TNRC18: variants seen among roughly 807,000 people sequenced by gnomAD.
The protein encoded by TNRC18 is trinucleotide repeat-containing gene 18 protein.
In TNRC18, 69 loss-of-function variants were observed where a neutral mutation model predicts 226.7. The ratio of observed to expected loss-of-function variants is 0.30; its 90% CI spans 0.25 to 0.37. TNRC18 has a LOEUF of 0.37. TNRC18 is among the 10% of genes least tolerant of loss of function. The pLI, the probability that TNRC18 is intolerant of heterozygous loss-of-function variation, is 1.00. For synonymous variants in TNRC18, 2,449 were observed against 1,927.6 expected (o/e 1.27, Z -7.09); for missense variants, 4,754 against 4,256.6 (o/e 1.12, Z -3.25).
intron 1 of TNRC18, among the ~76,000 whole-genome samples, chr7:5,422,065 G>A (rs937256304): frequency 6.6e-6 from 1 of 152,108 alleles, no homozygotes; most frequent in Non-Finnish European, 1.5e-5. Flanking sequence ...GTCCAAAGCG[G>A]GTTTATTATT....
chr7:5,390,603 C>T lies in TNRC18; in HGVS notation c.369G>A (p.Leu123=). The T allele has an allele frequency of 1.2e-6, 2 of 1,603,404 alleles. No homozygotes were observed. Among genetic ancestry groups the T allele is most frequent in the Non-Finnish European group, 1.7e-6 (2 of 1,174,892 alleles). ...HEGFSHLPSG[L]YPSYLHLNHL... ...GGTTCAGGTGGAGGTAGGATGGGTA[C>T]AGCCCACTGGGCAGGTGGGAGAAGC... The change falls in exon 4 of 30, where the codon CTG becomes CTA. Residue 123 remains leucine, a synonymous_variant. Coordinates refer to ENST00000430969, the MANE Select transcript of TNRC18 (RefSeq NM_001080495.3).
intron 19 of TNRC18, among the ~76,000 whole-genome samples, chr7:5,327,399 G>GTGTGTGTC (rs1554273842): frequency 5.1e-5 from 7 of 138,092 alleles, no homozygotes; most frequent in Admixed American, 7.8e-5. Flanking sequence ...GTGTGTGTGT[G>GTGTGTGTC]TGTGTGTGTG....
intron 5 of TNRC18, among the ~76,000 whole-genome samples, chr7:5,383,931 T>G (rs1019857237): frequency 6.8e-6 from 1 of 147,354 alleles, no homozygotes; most frequent in African/African-American, 2.5e-5. Context: ...TAGCTGGGAC[T>G]ACAGGCACAC....
Position 5,377,783 on chromosome 7 carries a change from G to A in TNRC18, c.2255+139C>T, listed in dbSNP as rs1392792818. On this transcript the variant is annotated intron_variant, in intron 6 of 29. Transcript: ENST00000430969. The surrounding 1 kb of genome is among the most constrained non-coding windows in gnomAD (Gnocchi z 5.8). ...CTGGGCAGGGCTGGCCCGATGCTGA[G>A]GACCAGAGTGACTCCCGCTCTCAGT... The A allele has an allele frequency of 4.9e-6, 5 of 1,011,242 alleles. No individual in the cohort carries two copies. The highest frequency in any genetic ancestry group is 4.8e-5 in the African/African-American group (3 of 62,492). The allele number at this position is 1,011,242 out of a possible 1,614,324, so 62.6% of individuals were successfully genotyped here. A position where few individuals can be genotyped will look rare whatever the true frequency, so the allele number is the denominator to read the frequency against.
intron 2 of TNRC18, among the ~76,000 whole-genome samples, chr7:5,399,662 C>T (rs1041436281): frequency 2.0e-5 from 3 of 151,978 alleles, no homozygotes; most frequent in East Asian, 1.9e-4. Context: ...GCCAAGATCG[C>T]GCCACTGCAC....
At chr7:5,390,754 C>A in intron 3 of TNRC18, 126 bp from the exon 4 acceptor site, 1 of 1,110,592 alleles carries the variant, frequency 9.0e-7, no homozygotes, top group South Asian at 1.9e-5. Context: ...TGAGGTTTAA[C>A]AGCAGCTCCT....
In TNRC18 at chr7:5,308,265, C is replaced by T. The variant is rs367862313; in HGVS notation, c.8748G>A (p.Thr2916=). The T allele has an allele frequency of 1.4e-5, 23 of 1,612,950 alleles. No homozygotes were observed. The highest frequency in any genetic ancestry group is 6.7e-5 in the African/African-American group (5 of 74,904). ...CCACCACCAGGCACTTGTGCGACAC[C>T]GTCTGCACGTCATTTTCGTCCACAT... ...SSHVDENDVQ[T]VSHKCLVVGL... The change falls in exon 30 of 30, where the codon ACG becomes ACA. Residue 2916 remains threonine, a synonymous_variant. Transcript: ENST00000430969.
Position 5,352,050 on chromosome 7 carries a change from G to A in TNRC18, c.5239C>T (p.Pro1747Ser). 3 of 1,612,632 alleles carry A rather than the reference G, an allele frequency of 1.9e-6. No individual in the cohort carries two copies. Among genetic ancestry groups the A allele is most frequent in the Non-Finnish European group, 2.5e-6 (3 of 1,179,402 alleles). ...EDEEFLKDEWPAQGPSSSKLT... is the reference protein window; with the variant it reads ...EDEEFLKDEWSAQGPSSSKLT... Reference sequence around the variant, plus strand: ...TTGGAGCTGGAGGGGCCTTGGGCGGGCCACTCGTCCTTCAGGAATTCTTCG... The same window carrying A: ...TTGGAGCTGGAGGGGCCTTGGGCGGACCACTCGTCCTTCAGGAATTCTTCG... The change falls in exon 17 of 30, where the codon CCC (proline) becomes TCC (serine). Residue 1747 changes from proline to serine, a missense_variant. By Grantham distance (74) the Pro-to-Ser change is moderately conservative. Coordinates refer to ENST00000430969, the MANE Select transcript of TNRC18 (RefSeq NM_001080495.3).
chr7:5,353,562 G>GAAA (rs35875231), intron 16 of TNRC18, among the ~76,000 whole-genome samples: 12 of 86,558 alleles, frequency 1.4e-4, no homozygotes, highest in African/African-American at 2.4e-4. Flanking sequence ...ATCATCTAAA[G>GAAA]AAAAAAAAAA....
At chr7:5,311,464 CT>C (rs1332305470) in intron 27 of TNRC18, among the ~76,000 whole-genome samples, 2 of 152,220 alleles carry the variant, frequency 1.3e-5, no homozygotes, top group African/African-American at 4.8e-5. Flanking sequence ...GAGGTACCTT[CT>C]GCTGGGACTG....
chr7:5,346,575 G>A (rs527938852), intron 17 of TNRC18, among the ~76,000 whole-genome samples: 21 of 152,308 alleles, frequency 1.4e-4, no homozygotes, highest in South Asian at 8.3e-4. Context: ...TTGGGAGGCC[G>A]AGGCAGGAGG....
At chr7:5,368,614 G>A (rs1421443375) in intron 11 of TNRC18, among the ~76,000 whole-genome samples, 9 of 134,682 alleles carry the variant, frequency 6.7e-5, no homozygotes, top group East Asian at 2.1e-4. Flanking sequence ...GCAGTGAGCC[G>A]AGATGGCACC....
At chr7:5,322,735 C>T (rs1296635093) in intron 21 of TNRC18, among the ~76,000 whole-genome samples, 2 of 152,238 alleles carry the variant, frequency 1.3e-5, no homozygotes, top group East Asian at 1.9e-4. Flanking sequence ...TGGGCCTGCC[C>T]TTCCTCCTCA....
intron 27 of TNRC18, among the ~76,000 whole-genome samples, chr7:5,311,012 G>C (rs1787139347): frequency 6.6e-6 from 1 of 152,256 alleles, no homozygotes; most frequent in Admixed American, 6.5e-5. Context: ...GCATGTATGT[G>C]CCTACGTTTG....
chr7:5,371,205 T>C lies in TNRC18; in HGVS notation c.3389A>G (p.Asp1130Gly). The change falls in exon 11 of 30, where the codon GAC (aspartate) becomes GGC (glycine). Residue 1130 changes from aspartate (D) to glycine (G), a missense_variant. Transcript: ENST00000430969. ...GPERLALSPE[D>G]KPIRLSPSKI... ...GGAGGGGGACAAGCGGATGGGCTTG[T>C]CTTCGGGTGAGAGTGCCAGGCGCTC... The C allele has an allele frequency of 1.9e-6, 3 of 1,605,542 alleles. No homozygotes were observed. The highest frequency in any genetic ancestry group is 1.7e-6 in the Non-Finnish European group (2 of 1,174,200).
chr7:5,339,418 T>A (rs1790448896), intron 18 of TNRC18, among the ~76,000 whole-genome samples: 1 of 151,884 alleles, frequency 6.6e-6, no homozygotes, highest in African/African-American at 2.4e-5. Context: ...TTTTATCTTT[T>A]TAGTACAGAT....
rs1362980892 is a variant in TNRC18, at chr7:5,370,776, G to C, written c.3818C>G (p.Ala1273Gly). The stretch of plus-strand genomic sequence containing the variant: ...CTGCGCCAGGCCTTCCTCGGGCACT[G>C]CCTCCACCACGGGCACCGCCACAGG... ...EVPVAVPVVE[A>G]VPEEGLAQVA... Residue 1273 changes from alanine to glycine, a missense_variant, in exon 11 of 30, where the codon GCA (alanine) becomes GGA (glycine). Coordinates refer to ENST00000430969, the MANE Select transcript of TNRC18 (RefSeq NM_001080495.3). 6.2e-7 allele frequency: 1 copy of C among 1,603,634 alleles called. No individual in the cohort carries two copies. The highest frequency in any genetic ancestry group is 2.3e-5 in the East Asian group (1 of 44,368).
At chr7:5,319,603 G>A (rs886081119) in intron 24 of TNRC18, among the ~76,000 whole-genome samples, 2 of 152,120 alleles carry the variant, frequency 1.3e-5, no homozygotes, top group African/African-American at 4.8e-5. Flanking sequence ...CCACTTCCCA[G>A]GTTTGAGTGA....
chr7:5,313,165 T>C lies in TNRC18; in HGVS notation c.7726A>G (p.Ser2576Gly). The C allele has an allele frequency of 2.0e-6, 3 of 1,528,972 alleles. No homozygotes were observed. Among genetic ancestry groups the C allele is most frequent in the African/African-American group, 1.4e-5 (1 of 72,026 alleles). The allele number at this position is 1,528,972 out of a possible 1,614,324, so 94.7% of individuals were successfully genotyped here. The change falls in exon 27 of 30, where the codon AGC becomes GGC. Residue 2576 changes from serine to glycine, a missense_variant. Coordinates refer to ENST00000430969, the MANE Select transcript of TNRC18 (RefSeq NM_001080495.3). ...TCCCCTTCTGTCTCCGAGCCGCTGC[T>C]GCTGCTGCTGCTGCTGCTGCTACTG... ...GSSSSSSSSSSSGSETEGEEE... is the reference protein window; with the variant it reads ...GSSSSSSSSSGSGSETEGEEE...
Sources: gnomAD v4.1 joint callset for allele counts (sites outside exome capture counted in the v4.1 genomes callset) on GRCh38, gnomAD v4.1.1 for gene constraint, Gnocchi (gnomAD v3.1) non-coding constraint, MANE v1.5 for transcripts, NCBI Gene and HGNC (gene_info 2026-07-23, HGNC 2026-07-21) for gene names.